The following TENM1 variants were observed in gnomAD, a reference collection of about 807,000 sequenced individuals.
TENM1 encodes the protein teneurin transmembrane protein 1.
TENM1 carries 35 observed loss-of-function variants against 174.8 expected under a neutral mutation model. That is an observed-to-expected ratio of 0.20 (90% CI 0.15 to 0.27). TENM1 has a LOEUF of 0.27. TENM1 is among the 10% of genes least tolerant of loss of function. The pLI is 1.00. For synonymous variants in TENM1, 781 were observed against 798.7 expected (o/e 0.98, Z 0.37); for missense variants, 1,633 against 2,130.1 (o/e 0.77, Z 4.59).
intron 1 of TENM1, among the ~76,000 whole-genome samples, chrX:124,931,472 G>T (rs1259162132): frequency 9.0e-6 from 1 of 111,071 alleles, no homozygotes; most frequent in Admixed American, 9.6e-5. Flanking sequence ...AGGCACACCT[G>T]TTCTTTTCAG....
chrX:125,000,578 G>A, the TENM1 span, among the ~76,000 whole-genome samples: 1 of 112,022 alleles, frequency 8.9e-6, no homozygotes, highest in Non-Finnish European at 1.9e-5. Flanking sequence ...ATGAGCAGAA[G>A]ATGCTTGTCT....
intron 27 of TENM1, among the ~76,000 whole-genome samples, chrX:124,400,623 G>A (rs2060388298): frequency 9.0e-6 from 1 of 111,684 alleles, no homozygotes. Flanking sequence ...TGCAGTTCAG[G>A]GATTTTGCTA....
the TENM1 span, among the ~76,000 whole-genome samples, chrX:125,125,612 T>G: frequency 8.9e-6 from 1 of 111,955 alleles, no homozygotes; most frequent in Non-Finnish European, 1.9e-5. Flanking sequence ...GACGCAGGCT[T>G]TGCTGCCCTG....
intron 11 of TENM1, among the ~76,000 whole-genome samples, chrX:124,624,174 A>G (rs1329239909): frequency 8.9e-6 from 1 of 111,900 alleles, no homozygotes; most frequent in Admixed American, 9.5e-5. Flanking sequence ...GTAGCTAATT[A>G]GGAGAGAGGC....
intron 11 of TENM1, among the ~76,000 whole-genome samples, chrX:124,612,181 T>G (rs1159898277): frequency 9.0e-6 from 1 of 111,320 alleles, no homozygotes; most frequent in Non-Finnish European, 1.9e-5. Context: ...AGAATAAATA[T>G]GGTTAGAACA....
At chrX:124,894,464 G>T in intron 2 of TENM1, 112 bp from the exon 6 acceptor site, 1 of 501,707 alleles carries the variant, frequency 2.0e-6, no homozygotes, top group Non-Finnish European at 3.4e-6. Context: ...CAGCTTTATT[G>T]CAATATAATT....
intron 3 of TENM1, among the ~76,000 whole-genome samples, chrX:124,852,705 C>A (rs1215514846): frequency 9.1e-6 from 1 of 110,268 alleles, no homozygotes; most frequent in Admixed American, 9.7e-5. Flanking sequence ...AAGCCACTGG[C>A]AGTGTTTAAA....
the TENM1 span, among the ~76,000 whole-genome samples, chrX:125,028,987 A>G: frequency 2.7e-5 from 3 of 112,091 alleles, no homozygotes; most frequent in Non-Finnish European, 5.6e-5. Flanking sequence ...CATTTGACAT[A>G]TTTCATCATT....
the TENM1 span, among the ~76,000 whole-genome samples, chrX:125,175,696 G>A: frequency 9.1e-6 from 1 of 110,385 alleles, no homozygotes; most frequent in Admixed American, 9.7e-5. Flanking sequence ...CAATACTAAG[G>A]AGGGCCACAT....
At chrX:124,416,921 G>A (rs982929602) in intron 25 of TENM1, among the ~76,000 whole-genome samples, 1 of 111,729 alleles carries the variant, frequency 9.0e-6, no homozygotes, top group African/African-American at 3.3e-5. Context: ...TCCCCCTTCT[G>A]TCATATAAGG....
At chrX:124,524,885 AATT>A (rs1441467719) in intron 16 of TENM1, among the ~76,000 whole-genome samples, 4 of 112,140 alleles carry the variant, frequency 3.6e-5, no homozygotes, top group Non-Finnish European at 7.5e-5. Context: ...GATAATGATA[AATT>A]ATTATCATTT....
At chrX:124,680,491 G>C (rs1303193661) in intron 5 of TENM1, among the ~76,000 whole-genome samples, 1 of 110,663 alleles carries the variant, frequency 9.0e-6, no homozygotes, top group African/African-American at 3.3e-5. Context: ...ATCTCCATTT[G>C]CAGTTGCATA....
intron 3 of TENM1, among the ~76,000 whole-genome samples, chrX:124,807,878 T>TAAACAC (rs1284567007): frequency 9.4e-5 from 8 of 85,171 alleles, no homozygotes; most frequent in African/African-American, 3.0e-4. Context: ...GAAAATCACT[T>TAAACAC]ACACACACAC....
intron 11 of TENM1, among the ~76,000 whole-genome samples, chrX:124,640,145 A>C (rs2050977550): frequency 9.0e-6 from 1 of 110,966 alleles, no homozygotes; most frequent in Non-Finnish European, 1.9e-5. Context: ...CCTATACCTA[A>C]GGATATAGAT....
the TENM1 span, among the ~76,000 whole-genome samples, chrX:125,149,382 T>A: frequency 8.9e-6 from 1 of 112,191 alleles, no homozygotes; most frequent in African/African-American, 3.2e-5. Context: ...ATCTATACTA[T>A]AGGTCTTGTT....
At chrX:124,464,665 T>G (rs2061221504) in intron 22 of TENM1, among the ~76,000 whole-genome samples, 1 of 111,647 alleles carries the variant, frequency 9.0e-6, no homozygotes, top group African/African-American at 3.3e-5. Context: ...GAGAACTGAT[T>G]TGGGCTCAAT....
At chrX:125,182,458 G>C in the TENM1 span, among the ~76,000 whole-genome samples, 11 of 89,306 alleles carry the variant, frequency 1.2e-4, no homozygotes, top group East Asian at 9.0e-4. Flanking sequence ...GCGGGCGGGG[G>C]GGGGGGCATT....
At chrX:125,017,578 T>C in the TENM1 span, among the ~76,000 whole-genome samples, 4 of 111,640 alleles carry the variant, frequency 3.6e-5, no homozygotes, top group African/African-American at 1.3e-4. Context: ...CACATGTATG[T>C]TTATTGCAGC....
At chrX:124,917,046 C>A (rs772734323) in intron 1 of TENM1, among the ~76,000 whole-genome samples, 9 of 111,824 alleles carry the variant, frequency 8.0e-5, no homozygotes, top group Non-Finnish European at 1.7e-4. Flanking sequence ...CTAGTCCAAT[C>A]CAGGTTCATT....
Sources: allele counts gnomAD v4.1 joint callset (sites outside exome capture counted in the v4.1 genomes callset), GRCh38; gene constraint gnomAD v4.1.1; transcripts MANE v1.5; gene names NCBI Gene and HGNC (gene_info 2026-07-23, HGNC 2026-07-21).